Variants in SPG7 observed in about 807,000 individuals in gnomAD.
The protein encoded by SPG7 is SPG7 matrix AAA peptidase subunit, paraplegin.
SPG7 carries 103 observed loss-of-function variants against 81.9 expected under a neutral mutation model. The ratio of observed to expected loss-of-function variants is 1.26; its 90% confidence interval spans 1.07 to 1.48. SPG7 has a LOEUF of 1.48. Ranked by LOEUF, SPG7 falls within the 40% of genes most tolerant of loss-of-function variation. The probability of loss-of-function intolerance (pLI) is 0.00; values close to 1 mark genes in which losing one functional copy is unlikely to be tolerated. For synonymous variants in SPG7, 534 were observed against 444.2 expected, an observed-to-expected ratio of 1.20 and a Z score of -2.54; for missense variants, 1,241 against 1,087.3, an observed-to-expected ratio of 1.14 and a Z score of -1.99.
chr16:89,541,875 T>C (rs2058500245), intron 9 of SPG7: 1 of 152,058 alleles, frequency 6.6e-6, no homozygotes, highest in Non-Finnish European at 1.5e-5. Flanking sequence ...TGAAACCACA[T>C]GTCCCTGACA....
chr16:89,529,240 C>A lies in SPG7; in HGVS notation c.759-237C>A, dbSNP rs988390014. 1.4e-5 allele frequency: 8 copies of A among 580,958 alleles called. No individual in the cohort carries two copies. The East Asian group carries it at 2.3e-4, about 17-fold the overall frequency. 36.0% of individuals were successfully genotyped at this position (580,958 alleles called of 1,614,324 possible). ...GTTATTGTCACAAGGCTGGCTAGAT[C>A]TCCGGCATCTGCACACTCAGTCTGA... On this transcript the variant is annotated intron_variant, in intron 5 of 16. Coordinates refer to ENST00000645818, the MANE Select transcript of SPG7 (RefSeq NM_003119.4).
intron 2 of SPG7, among the ~76,000 whole-genome samples, chr16:89,511,514 A>C (rs2058022235): frequency 6.6e-6 from 1 of 152,204 alleles, no homozygotes; most frequent in Non-Finnish European, 1.5e-5. Context: ...TGCCGTGCCC[A>C]CTGGCCGTGC....
chr16:89,514,068 C>G (rs76678091), intron 3 of SPG7, among the ~76,000 whole-genome samples: 5 of 152,166 alleles, frequency 3.3e-5, no homozygotes, highest in African/African-American at 1.2e-4. Flanking sequence ...ACTGAGCTCT[C>G]GAGGGGAGGT....
intron 8 of SPG7, among the ~76,000 whole-genome samples, 155 bp from the exon 9 acceptor site, chr16:89,532,308 G>C (rs964040749): frequency 6.6e-6 from 1 of 152,236 alleles, no homozygotes; most frequent in Non-Finnish European, 1.5e-5. Flanking sequence ...GGGTGGCCAG[G>C]GGCCCCCGCG....
chr16:89,526,920 CGT>C (rs2058270858), intron 5 of SPG7: 5 of 168,332 alleles, frequency 3.0e-5, no homozygotes, highest in African/African-American at 1.3e-4. Context: ...CAGCCCCCGA[CGT>C]AGGATGGCGA....
At position 89,510,554 on chromosome 16, in the gene SPG7, A is replaced by G. The variant is rs1011128784; in HGVS notation, c.248A>G (p.His83Arg). 20 of 1,612,740 alleles carry G rather than the reference A, an allele frequency of 1.2e-5. No homozygotes were observed. Among genetic ancestry groups the G allele is most frequent in the African/African-American group, 4.0e-5 (3 of 74,618 alleles). Reference sequence around the variant, plus strand: ...ATCAACGGATTGTTGTTGAAACAACATTTAGTTCAGAATCCAGTCAGACTC... The same window carrying G: ...ATCAACGGATTGTTGTTGAAACAACGTTTAGTTCAGAATCCAGTCAGACTC... ...EGINGLLLKQ[H>R]LVQNPVRLWQ... The change falls in exon 2 of 17, where the codon CAT becomes CGT. Residue 83 changes from histidine (H) to arginine (R), a missense_variant. By Grantham distance (29) the His-to-Arg change is conservative (BLOSUM62 0). Transcript: ENST00000645818.
At chr16:89,524,308 G>C in intron 4 of SPG7, 61 bp downstream of exon 4, 1 of 1,558,342 alleles carries the variant, frequency 6.4e-7, no homozygotes, top group Non-Finnish European at 8.7e-7. Context: ...CAGCCTGTGA[G>C]AGTGAGGCTG....
intron 3 of SPG7, among the ~76,000 whole-genome samples, chr16:89,515,742 T>C (rs1276457947): frequency 6.6e-6 from 1 of 151,270 alleles, no homozygotes; most frequent in East Asian, 2.0e-4. Context: ...GGGGTCTCGC[T>C]CTGTCGCCAG....
chr16:89,540,014 T>C (rs2058474964), intron 9 of SPG7: 1 of 152,534 alleles, frequency 6.6e-6, no homozygotes, highest in South Asian at 2.1e-4. Context: ...TGAAATGCTG[T>C]CTTCTTTCCA....
At chr16:89,530,876 T>C (rs2058332521) in intron 7 of SPG7, 68 bp downstream of exon 7, 2 of 1,604,648 alleles carry the variant, frequency 1.2e-6, no homozygotes, top group Admixed American at 3.3e-5. Flanking sequence ...CCAGAAGGGC[T>C]CCTGCGGGAC....
chr16:89,547,301 C>A (rs1283774111), intron 11 of SPG7: 1 of 185,006 alleles, frequency 5.4e-6, no homozygotes, highest in Non-Finnish European at 1.2e-5. Context: ...CCTTTAATTT[C>A]TTTGCCATCA....
At position 89,553,913 on chromosome 16, in the gene SPG7, A is replaced by G; in HGVS notation, c.2056A>G (p.Ile686Val). ...FPEAQEGLMG[I>V]GRRPFSQGLQ... Reference sequence around the variant, plus strand: ...TGAGGCGCAGGAGGGCCTCATGGGCATCGGGCGGCGCCCCTTCAGCCAAGG... The same window carrying G: ...TGAGGCGCAGGAGGGCCTCATGGGCGTCGGGCGGCGCCCCTTCAGCCAAGG... The change falls in exon 15 of 17, where the codon ATC becomes GTC. Residue 686 changes from isoleucine (I) to valine (V), a missense_variant. Transcript: ENST00000645818. The G allele has an allele frequency of 6.2e-7, 1 of 1,612,830 alleles. No homozygotes were observed. Among genetic ancestry groups the G allele is most frequent in the Non-Finnish European group, 8.5e-7 (1 of 1,179,938 alleles).
rs1466460380 is a variant in SPG7, at chr16:89,553,910, G to T, written c.2053G>T (p.Gly685Cys). 22 of 1,612,864 alleles carry T rather than the reference G, an allele frequency of 1.4e-5. No homozygotes were observed. Among genetic ancestry groups the T allele is most frequent in the Non-Finnish European group, 1.9e-5 (22 of 1,179,954 alleles). ...SFPEAQEGLM[G>C]IGRRPFSQGL... ...CCCTGAGGCGCAGGAGGGCCTCATGGGCATCGGGCGGCGCCCCTTCAGCCA... is the reference window on the plus strand; with the variant it reads ...CCCTGAGGCGCAGGAGGGCCTCATGTGCATCGGGCGGCGCCCCTTCAGCCA... Residue 685 changes from glycine to cysteine, a missense_variant, in exon 15 of 17, where the codon GGC becomes TGC. Coordinates refer to ENST00000645818, the MANE Select transcript of SPG7 (RefSeq NM_003119.4).
chr16:89,537,135 C>G, intron 9 of SPG7: 2 of 1,467,562 alleles, frequency 1.4e-6, no homozygotes, highest in South Asian at 1.4e-5. Context: ...GCCGAGGTCC[C>G]AGGCCAGGCT....
intron 16 of SPG7, chr16:89,554,924 T>C (rs2058671784): frequency 3.9e-6 from 1 of 257,458 alleles, no homozygotes; most frequent in Non-Finnish European, 7.7e-6. Context: ...TTTTTTTTCT[T>C]TTTTTTTTTG....
chr16:89,545,229 G>C, intron 10 of SPG7: 1 of 307,332 alleles, frequency 3.3e-6, no homozygotes, highest in South Asian at 2.9e-5. Context: ...ATTGGGGTGG[G>C]AGTAGAAGTC....
intron 9 of SPG7, among the ~76,000 whole-genome samples, chr16:89,534,109 G>A (rs182179398): frequency 4.3e-4 from 65 of 152,286 alleles, no homozygotes; most frequent in African/African-American, 1.3e-3. Context: ...CCACCACCAC[G>A]TGTCTCCAGA....
chr16:89,554,648 T>A (rs1161808632), intron 16 of SPG7, 85 bp downstream of exon 16: 2 of 888,812 alleles, frequency 2.3e-6, no homozygotes, highest in Non-Finnish European at 3.6e-6. Flanking sequence ...CGTGAAGTAT[T>A]TCCAAGGCAC....
intron 11 of SPG7, chr16:89,547,473 C>T: frequency 5.2e-6 from 1 of 191,848 alleles, no homozygotes; most frequent in Non-Finnish European, 1.1e-5. Flanking sequence ...GCCGCTCTCC[C>T]CACCCCTGCT....
Sources: gnomAD v4.1 joint callset for allele counts (sites outside exome capture counted in the v4.1 genomes callset) on GRCh38, gnomAD v4.1.1 for gene constraint, MANE v1.5 for transcripts, NCBI Gene and HGNC (gene_info 2026-07-23, HGNC 2026-07-21) for gene names.